RFTN1: variants seen among roughly 807,000 people sequenced by gnomAD.
RFTN1 encodes raftlin.
Under a neutral mutation model 46.5 loss-of-function variants are expected in RFTN1, and 26 were observed. That is an observed-to-expected ratio of 0.56 (90% confidence interval 0.41 to 0.78). The LOEUF (loss-of-function observed/expected upper bound fraction) is 0.78. Ranked by LOEUF, RFTN1 falls within the 30% of genes least tolerant of loss-of-function variation. The pLI is 0.00. For synonymous variants in RFTN1, 261 were observed against 284.2 expected, an observed-to-expected ratio of 0.92 and a Z score of 0.82; for missense variants, 693 against 718.7, an observed-to-expected ratio of 0.96 and a Z score of 0.41.
intron 2 of RFTN1, among the ~76,000 whole-genome samples, chr3:16,472,363 A>G (rs908529323): frequency 6.6e-6 from 1 of 152,230 alleles, no homozygotes; most frequent in Non-Finnish European, 1.5e-5. Flanking sequence ...ATTAAACACT[A>G]ACTGCAAAGA....
In RFTN1 at chr3:16,358,454, TTTTA is replaced by T. The variant is rs1040505963; in HGVS notation, c.1031-411_1031-408del. ...GGTTTTTTTTTTCTTTTTTCTTTTT[TTTTA>T]AAGGGAAGAGATATAACACACCAGA... On this transcript the variant is annotated intron_variant, in intron 6 of 9. Transcript: ENST00000334133. Among the ~76,000 whole-genome samples the T allele has an allele frequency of 3.4e-5, 5 of 146,772 alleles. No homozygotes were observed. In the South Asian group the frequency reaches 6.8e-4, roughly 20 times the overall value.
In RFTN1 at chr3:16,400,008, C is replaced by A. The variant is rs2074562638; in HGVS notation, c.441+9367G>T. Among the ~76,000 whole-genome samples the A allele has an allele frequency of 6.6e-6, 1 of 152,136 alleles. No homozygotes were observed. Among genetic ancestry groups the A allele is most frequent in the African/African-American group, 2.4e-5 (1 of 41,408 alleles). Reference sequence around the variant, plus strand: ...GGTCCTAACCACACCCACTCTTGACCCAGAAGCCAGTCACTAACCTGCAGC... The same window carrying A: ...GGTCCTAACCACACCCACTCTTGACACAGAAGCCAGTCACTAACCTGCAGC... On this transcript the variant is annotated intron_variant, in intron 4 of 9. Coordinates refer to ENST00000334133, the MANE Select transcript of RFTN1 (RefSeq NM_015150.2). The surrounding 1 kb of genome is among the most constrained non-coding windows in gnomAD (Gnocchi z 4.5).
At chr3:16,330,051 CCAAA>C (rs1309977444) in intron 7 of RFTN1, among the ~76,000 whole-genome samples, 1 of 152,184 alleles carries the variant, frequency 6.6e-6, no homozygotes, top group Non-Finnish European at 1.5e-5. Flanking sequence ...AGGATTTCTC[CCAAA>C]CATTTTTTCC....
intron 6 of RFTN1, among the ~76,000 whole-genome samples, chr3:16,366,446 G>A (rs1332959267): frequency 6.6e-6 from 1 of 150,894 alleles, no homozygotes; most frequent in Non-Finnish European, 1.5e-5. Context: ...TGTGGCCCCT[G>A]GACTCATTCT....
chr3:16,326,730 A>T (rs374908747), intron 8 of RFTN1, 43 bp downstream of exon 8: 14 of 1,422,372 alleles, frequency 9.8e-6, no homozygotes, highest in Non-Finnish European at 1.4e-5. Context: ...ACTAGCACAG[A>T]GTAAGTGTTC....
rs1390395522 is a variant in RFTN1 at position 16,329,853 on chromosome 3, G to A, written c.1147-2977C>T. 6.6e-6 allele frequency among the ~76,000 whole-genome samples: 1 copy of A among 152,136 alleles called. No individual in the cohort carries two copies. The highest frequency in any genetic ancestry group is 1.5e-5 in the Non-Finnish European group (1 of 68,034). ...TTGGCGCCTCACAAAGCCCTGAGTGGCAGAATGGAGTCCTTTTATTGGTGG... is the reference window on the plus strand; with the variant it reads ...TTGGCGCCTCACAAAGCCCTGAGTGACAGAATGGAGTCCTTTTATTGGTGG... On this transcript the variant is annotated intron_variant, in intron 7 of 9. Transcript: ENST00000334133. This position sits in a 1 kb window ranked among gnomAD's most constrained non-coding sequence, Gnocchi z 4.5.
rs115535979 is a variant in RFTN1 at position 16,429,501 on chromosome 3, G to T, written c.332+4350C>A. Among the ~76,000 whole-genome samples, 35 of 152,264 alleles carry T rather than the reference G, an allele frequency of 2.3e-4. No homozygotes were observed. The highest frequency in any genetic ancestry group is 8.2e-4 in the African/African-American group (34 of 41,544). The stretch of plus-strand genomic sequence containing the variant: ...TTGGTTTCCCTTCCAGTGAGAGGTG[G>T]CATCTCCTTCTCCCAAACTCCTGTG... On this transcript the variant is annotated intron_variant, in intron 3 of 9. Coordinates refer to ENST00000334133, the MANE Select transcript of RFTN1 (RefSeq NM_015150.2). This position sits in a 1 kb window ranked among gnomAD's most constrained non-coding sequence, Gnocchi z 6.4.
At chr3:16,359,120 G>C (rs2072668026) in intron 6 of RFTN1, among the ~76,000 whole-genome samples, 1 of 151,570 alleles carries the variant, frequency 6.6e-6, no homozygotes, top group South Asian at 2.1e-4. Context: ...CCCTTTGTTT[G>C]GGGCATGGCT....
Position 16,315,995 on chromosome 3 carries a change from T to C in RFTN1, c.*833A>G, listed in dbSNP as rs1486889585. 6.6e-6 allele frequency: 1 copy of C among 152,288 alleles called. No individual in the cohort carries two copies. Among genetic ancestry groups the C allele is most frequent in the Non-Finnish European group, 1.5e-5 (1 of 68,048 alleles). 9.4% of individuals were successfully genotyped at this position (152,288 alleles called of 1,614,324 possible). On this transcript the variant is annotated 3_prime_UTR_variant, in exon 10 of 10. Coordinates refer to ENST00000334133, the MANE Select transcript of RFTN1 (RefSeq NM_015150.2). ...AAGCCTTAATACTTTCTGGACGATA[T>C]ACACATGATAAACACAGCATACATG...
rs936933172 is a variant in RFTN1, at chr3:16,475,881, A to G, written c.145+17844T>C. 1.4e-4 allele frequency among the ~76,000 whole-genome samples: 22 copies of G among 152,238 alleles called. No individual in the cohort carries two copies. The highest frequency in any genetic ancestry group is 2.5e-4 in the Non-Finnish European group (17 of 68,044). On this transcript the variant is annotated intron_variant, in intron 2 of 9. Transcript: ENST00000334133. The surrounding 1 kb of genome is among the most constrained non-coding windows in gnomAD (Gnocchi z 4.2). ...TATTCTATATCCTACAGACTGAACC[A>G]GGAAAATAATTTATGCCACCCAGAG...
rs539276632 is a variant in RFTN1 at position 16,335,775 on chromosome 3, T to C, written c.1147-8899A>G. On this transcript the variant is annotated intron_variant, in intron 7 of 9. Coordinates refer to ENST00000334133, the MANE Select transcript of RFTN1 (RefSeq NM_015150.2). This position sits in a 1 kb window ranked among gnomAD's most constrained non-coding sequence, Gnocchi z 4.7. Reference sequence around the variant, plus strand: ...TATCCTGCACTTGCACCCTGGAACTTTAAAAAAAAAAAAAAAAAAAGGAGT... The same window carrying C: ...TATCCTGCACTTGCACCCTGGAACTCTAAAAAAAAAAAAAAAAAAAGGAGT... Among the ~76,000 whole-genome samples the C allele has an allele frequency of 1.2e-4, 15 of 125,188 alleles. No individual in the cohort carries two copies. The highest frequency in any genetic ancestry group is 5.3e-4 in the Admixed American group (7 of 13,128). 82.1% of individuals were successfully genotyped at this position (125,188 alleles called of 152,430 possible).
At chr3:16,441,862 C>A (rs576593093) in intron 2 of RFTN1, among the ~76,000 whole-genome samples, 1 of 152,322 alleles carries the variant, frequency 6.6e-6, no homozygotes, top group South Asian at 2.1e-4. Flanking sequence ...ACTGCTAGTG[C>A]CATAACATCA....
At chr3:16,493,357 G>A (rs571333516) in intron 2 of RFTN1, among the ~76,000 whole-genome samples, 115 of 151,460 alleles carry the variant, frequency 7.6e-4, no homozygotes, top group African/African-American at 2.5e-3. Context: ...TCAGCCTCCC[G>A]AGTAGCTGGG....
rs2124921614 is a variant in RFTN1 at position 16,457,622 on chromosome 3, TG to T, written c.146-23586del. ...TTTAAGTAATAAAATTTTAGTTTTT[TG>T]TTTCGGTGCCTCTGATTGAAAGTGG... On this transcript the variant is annotated intron_variant, in intron 2 of 9. Transcript: ENST00000334133. The surrounding 1 kb of genome is among the most constrained non-coding windows in gnomAD (Gnocchi z 4.2). Among the ~76,000 whole-genome samples, 1 of 152,370 alleles carries T rather than the reference TG, an allele frequency of 6.6e-6. No individual in the cohort carries two copies. The highest frequency in any genetic ancestry group is 1.9e-4 in the East Asian group (1 of 5,194).
Position 16,449,289 on chromosome 3 carries a change from G to T in RFTN1, c.146-15252C>A, listed in dbSNP as rs2075784670. 6.6e-6 allele frequency among the ~76,000 whole-genome samples: 1 copy of T among 152,140 alleles called. No homozygotes were observed. The highest frequency in any genetic ancestry group is 2.1e-4 in the South Asian group (1 of 4,822). On this transcript the variant is annotated intron_variant, in intron 2 of 9. Transcript: ENST00000334133. This position sits in a 1 kb window ranked among gnomAD's most constrained non-coding sequence, Gnocchi z 5.1. ...GAAAGCTGATTATTCATCAAATCTGGCTCAGGCAGATGGGTGGTGTATTGG... is the reference window on the plus strand; with the variant it reads ...GAAAGCTGATTATTCATCAAATCTGTCTCAGGCAGATGGGTGGTGTATTGG...
Position 16,500,118 on chromosome 3 carries a change from T to G in RFTN1, c.-8-6241A>C, listed in dbSNP as rs2076688742. 6.6e-6 allele frequency among the ~76,000 whole-genome samples: 1 copy of G among 152,202 alleles called. No individual in the cohort carries two copies. ...ACTTTTTCTCTGGTTGTTGCTTGTT[T>G]TTGTAAAAAACACATGCTAAAAGTC... is the stretch of plus-strand genomic sequence containing the variant. On this transcript the variant is annotated intron_variant, in intron 1 of 9. Transcript: ENST00000334133. The surrounding 1 kb of genome is among the most constrained non-coding windows in gnomAD (Gnocchi z 5.9).
intron 2 of RFTN1, among the ~76,000 whole-genome samples, chr3:16,488,547 A>G (rs1330349862): frequency 1.3e-5 from 2 of 152,218 alleles, no homozygotes; most frequent in Non-Finnish European, 2.9e-5. Flanking sequence ...GTCATTTAAA[A>G]ATCTGCTATG....
rs2072134557 is a variant in RFTN1 at position 16,351,975 on chromosome 3, T to C, written c.1146+5957A>G. On this transcript the variant is annotated intron_variant, in intron 7 of 9. Coordinates refer to ENST00000334133, the MANE Select transcript of RFTN1 (RefSeq NM_015150.2). This position sits in a 1 kb window ranked among gnomAD's most constrained non-coding sequence, Gnocchi z 5.4. ...GGCATTGTAGCCAGCACACTTTGGGTGTGGTTTATATGAGAAAGATGAGGC... is the reference window on the plus strand; with the variant it reads ...GGCATTGTAGCCAGCACACTTTGGGCGTGGTTTATATGAGAAAGATGAGGC... Among the ~76,000 whole-genome samples the C allele has an allele frequency of 6.6e-6, 1 of 152,208 alleles. No individual in the cohort carries two copies. The highest frequency in any genetic ancestry group is 6.5e-5 in the Admixed American group (1 of 15,284).
At chr3:16,454,224 A>C (rs1332497690) in intron 2 of RFTN1, among the ~76,000 whole-genome samples, 3 of 152,252 alleles carry the variant, frequency 2.0e-5, no homozygotes, top group African/African-American at 7.2e-5. Flanking sequence ...ATATCTTTAC[A>C]GGGTCAAAAT....
Sources: allele counts gnomAD v4.1 joint callset (sites outside exome capture counted in the v4.1 genomes callset), GRCh38; gene constraint gnomAD v4.1.1; non-coding constraint Gnocchi (gnomAD v3.1); transcripts MANE v1.5; gene names NCBI Gene and HGNC (gene_info 2026-07-23, HGNC 2026-07-21).